The following DOCK5 variants were observed in gnomAD, a reference collection of about 807,000 sequenced individuals.
DOCK5 encodes the protein dedicator of cytokinesis protein 5.
In DOCK5, 142 loss-of-function variants were observed where a neutral mutation model predicts 251.8. The observed-to-expected ratio is 0.56, with a 90% CI of 0.49 to 0.65. The LOEUF (loss-of-function observed/expected upper bound fraction) is 0.65. DOCK5 is among the 30% of genes least tolerant of loss of function. The probability of loss-of-function intolerance (pLI) is 0.00; values close to 1 mark genes in which losing one functional copy is unlikely to be tolerated. For missense variants in DOCK5, 2,111 were observed against 2,312.3 expected, an observed-to-expected ratio of 0.91 and a Z score of 1.79; for synonymous variants, 842 against 835.5, an observed-to-expected ratio of 1.01 and a Z score of -0.13.
At chr8:25,271,103 G>T in intron 3 of DOCK5, 1 of 346,244 alleles carries the variant, frequency 2.9e-6, no homozygotes, top group Non-Finnish European at 5.2e-6. Context: ...TAGTGCCATT[G>T]TTGTTGGCTT....
intron 26 of DOCK5, among the ~76,000 whole-genome samples, chr8:25,350,247 AAAT>A (rs1800442319): frequency 6.6e-6 from 1 of 152,352 alleles, no homozygotes; most frequent in African/African-American, 2.4e-5. Context: ...TTAAGCAAAA[AAAT>A]ACAAATAGCA....
intron 6 of DOCK5, among the ~76,000 whole-genome samples, chr8:25,294,484 A>G (rs1214087380): frequency 1.3e-5 from 2 of 152,152 alleles, no homozygotes; most frequent in Non-Finnish European, 2.9e-5. Context: ...TTTCCACCAC[A>G]GTCCTCAACT....
chr8:25,207,181 G>T (rs1036409563), intron 1 of DOCK5, among the ~76,000 whole-genome samples: 1 of 151,922 alleles, frequency 6.6e-6, no homozygotes, highest in Non-Finnish European at 1.5e-5. Context: ...ATTCATGGTC[G>T]ATCAATAAAG....
Position 25,401,002 on chromosome 8 carries a change from G to T in DOCK5, c.4862G>T (p.Arg1621Leu). 6.2e-7 allele frequency: 1 copy of T among 1,614,000 alleles called. No homozygotes were observed. Among genetic ancestry groups the T allele is most frequent in the Non-Finnish European group, 8.5e-7 (1 of 1,179,894 alleles). Residue 1621 changes from arginine to leucine, a missense_variant, in exon 47 of 52, where the codon CGG becomes CTG. Transcript: ENST00000276440. ...GAGCAGCTGAAGCCGCTGCATGAGC[G>T]GTTGTCTTCTTGCTTCCGGGAACTC... Reference protein sequence around the residue: ...LTEQLKPLHERLSSCFRELKE... With the variant: ...LTEQLKPLHELLSSCFRELKE...
At chr8:25,384,626 A>AT (rs1416521581) in intron 40 of DOCK5, among the ~76,000 whole-genome samples, 24 of 151,596 alleles carry the variant, frequency 1.6e-4, no homozygotes, top group Middle Eastern at 3.4e-3. Context: ...GGCCCAGCTA[A>AT]TTTTTTGTAT....
At chr8:25,407,897 A>C (rs1254708186) in intron 48 of DOCK5, 86 bp from the exon 49 acceptor site, 1 of 1,334,720 alleles carries the variant, frequency 7.5e-7, no homozygotes, top group African/African-American at 1.5e-5. Context: ...TAGCCTAAAG[A>C]GTCATAACTG....
In DOCK5 at chr8:25,249,993, A is replaced by G. The variant is rs1046894543; in HGVS notation, c.127+6236A>G. Among the ~76,000 whole-genome samples, 36 of 152,206 alleles carry G rather than the reference A, an allele frequency of 2.4e-4. 1 individual carries two copies. The highest frequency in any genetic ancestry group is 1.9e-4 in the Non-Finnish European group (13 of 68,040). ...TCAGTTGGACATTTGGGTCGTTTAG[A>G]TGTTTCAGCTACTGTGAATAATACT... On this transcript the variant is annotated intron_variant, in intron 2 of 51. Coordinates refer to ENST00000276440, the MANE Select transcript of DOCK5 (RefSeq NM_024940.8).
chr8:25,403,457 C>T, intron 47 of DOCK5, 101 bp from the exon 48 acceptor site: 1 of 1,292,724 alleles, frequency 7.7e-7, no homozygotes, highest in Admixed American at 1.9e-5. Flanking sequence ...ATAACCAGTA[C>T]AGATGGGTAC....
At chr8:25,225,053 C>A (rs548751443) in intron 1 of DOCK5, among the ~76,000 whole-genome samples, 1 of 152,320 alleles carries the variant, frequency 6.6e-6, no homozygotes, top group Admixed American at 6.5e-5. Context: ...CACCTCACAT[C>A]CATTAGAATG....
chr8:25,261,601 A>C (rs1803583681), intron 2 of DOCK5, among the ~76,000 whole-genome samples: 1 of 152,348 alleles, frequency 6.6e-6, no homozygotes, highest in South Asian at 2.1e-4. Flanking sequence ...TTTTTACATT[A>C]AAGAAAAAGT....
intron 25 of DOCK5, among the ~76,000 whole-genome samples, chr8:25,343,760 G>A (rs1800307108): frequency 1.3e-5 from 2 of 152,172 alleles, no homozygotes; most frequent in South Asian, 4.1e-4. Flanking sequence ...CATGGTGGAA[G>A]TCTTTACACC....
At position 25,223,650 on chromosome 8, in the gene DOCK5, T is replaced by C. The variant is rs573308275; in HGVS notation, c.44-20024T>C. Among the ~76,000 whole-genome samples the C allele has an allele frequency of 5.3e-5, 8 of 152,316 alleles. No individual in the cohort carries two copies. The South Asian group carries it at 1.5e-3, about 28-fold the overall frequency. ...TTTTTAATACCACCAACAATGGGCATAAAAAATGAAATAAGAGCGAGTGAT... is the reference window on the plus strand; with the variant it reads ...TTTTTAATACCACCAACAATGGGCACAAAAAATGAAATAAGAGCGAGTGAT... On this transcript the variant is annotated intron_variant, in intron 1 of 51. Coordinates refer to ENST00000276440, the MANE Select transcript of DOCK5 (RefSeq NM_024940.8).
rs903467381 is a variant in DOCK5, at chr8:25,324,588, T to C, written c.1719+637T>C. Among the ~76,000 whole-genome samples, 3 of 152,214 alleles carry C rather than the reference T, an allele frequency of 2.0e-5. No homozygotes were observed. The East Asian group carries it at 5.8e-4, about 29-fold the overall frequency. On this transcript the variant is annotated intron_variant, in intron 17 of 51. Coordinates refer to ENST00000276440, the MANE Select transcript of DOCK5 (RefSeq NM_024940.8). ...TCTTAACATCTTAGTTTATGAATCA[T>C]TTTGGAAGGGATGGCAAGCTAATTC...
chr8:25,259,987 G>A (rs1205128328), intron 2 of DOCK5, among the ~76,000 whole-genome samples: 5 of 152,186 alleles, frequency 3.3e-5, no homozygotes, highest in Admixed American at 2.6e-4. Flanking sequence ...TGTGGAGTGC[G>A]GACATCTTGA....
chr8:25,402,165 G>A (rs1447724775), intron 47 of DOCK5, among the ~76,000 whole-genome samples: 1 of 151,918 alleles, frequency 6.6e-6, no homozygotes, highest in African/African-American at 2.4e-5. Flanking sequence ...ATCTCTCTTT[G>A]TCACCCAGGC....
chr8:25,284,653 G>C (rs1804286302), intron 5 of DOCK5, among the ~76,000 whole-genome samples: 1 of 152,238 alleles, frequency 6.6e-6, no homozygotes, highest in South Asian at 2.1e-4. Context: ...GGCTGAGGTG[G>C]AATCAGGGCA....
intron 5 of DOCK5, among the ~76,000 whole-genome samples, chr8:25,285,309 C>T (rs1374150142): frequency 1.3e-5 from 2 of 152,126 alleles, no homozygotes; most frequent in Non-Finnish European, 2.9e-5. Flanking sequence ...CCACGCCTGG[C>T]TAATTTTTGT....
At chr8:25,367,116 G>T (rs780353365) in intron 31 of DOCK5, 146 bp downstream of exon 31, 19 of 688,968 alleles carry the variant, frequency 2.8e-5, no homozygotes, top group Non-Finnish European at 4.6e-5. Flanking sequence ...TACTTAATAG[G>T]CCTCACATTC....
At position 25,334,136 on chromosome 8, in the gene DOCK5, A is replaced by G; in HGVS notation, c.2132A>G (p.His711Arg). 6.2e-7 allele frequency: 1 copy of G among 1,613,962 alleles called. No individual in the cohort carries two copies. Among genetic ancestry groups the G allele is most frequent in the East Asian group, 2.2e-5 (1 of 44,876 alleles). Residue 711 changes from histidine (H) to arginine (R), a missense_variant, in exon 21 of 52, where the codon CAT (histidine) becomes CGT (arginine). Physicochemically the swap from His to Arg is conservative, Grantham distance 29 (BLOSUM62 0). Transcript: ENST00000276440. ...ISLIGDIKFQHFNPVLETYIY... is the reference protein window; with the variant it reads ...ISLIGDIKFQRFNPVLETYIY... The stretch of plus-strand genomic sequence containing the variant: ...CTGATAGGAGACATCAAGTTCCAGC[A>G]TTTTAATCCTGTACTTGAAACCTAC...
Sources: allele counts gnomAD v4.1 joint callset (sites outside exome capture counted in the v4.1 genomes callset), GRCh38; gene constraint gnomAD v4.1.1; transcripts MANE v1.5; gene names NCBI Gene and HGNC (gene_info 2026-07-23, HGNC 2026-07-21).